Variants in PPHLN1 observed in about 807,000 individuals in gnomAD.
The protein encoded by PPHLN1 is periphilin 1.
A neutral mutation model predicts 51.3 loss-of-function variants in PPHLN1; 29 were observed. The ratio of observed to expected loss-of-function variants is 0.57; its 90% CI spans 0.42 to 0.77. The LOEUF (loss-of-function observed/expected upper bound fraction) is 0.77. Among genes scored for constraint, PPHLN1 ranks in the 30% least tolerant of loss-of-function variants. The pLI is 0.00. For missense variants in PPHLN1, 436 were observed against 438.4 expected, an observed-to-expected ratio of 0.99 and a Z score of 0.05; for synonymous variants, 147 against 147.8, an observed-to-expected ratio of 0.99 and a Z score of 0.04.
At chr12:42,444,746 C>T, downstream of PPHLN1, 3 of 350,194 alleles carry the variant, frequency 8.6e-6, no homozygotes, top group Non-Finnish European at 1.0e-5. Context: ...ATTATGCAGG[C>T]CATATAAAAC....
intron 9 of PPHLN1, chr12:42,399,470 T>G (rs2078588588): frequency 5.5e-6 from 5 of 909,820 alleles, no homozygotes; most frequent in Non-Finnish European, 5.3e-6. Context: ...TTGTTTTTAA[T>G]GTGCAACTAT....
At chr12:42,338,753 A>G (rs1342594041) in intron 2 of PPHLN1, among the ~76,000 whole-genome samples, 2 of 152,210 alleles carry the variant, frequency 1.3e-5, no homozygotes, top group South Asian at 2.1e-4. Context: ...AAAATTTCCT[A>G]GAGAGCTCTT....
At chr12:42,344,105 G>T (rs1278865504) in intron 2 of PPHLN1, among the ~76,000 whole-genome samples, 1 of 152,136 alleles carries the variant, frequency 6.6e-6, no homozygotes, top group Admixed American at 6.6e-5. Flanking sequence ...AGATAGCAGG[G>T]TATAATATAT....
chr12:42,425,038 T>TTATGTATGTATG (rs71435906), intron 9 of PPHLN1, among the ~76,000 whole-genome samples: 1,555 of 136,944 alleles, frequency 0.011, 22 homozygotes, highest in East Asian at 0.032. Context: ...TTATTTTATT[T>TTATGTATGTATG]TATGTATGTA....
In PPHLN1 at chr12:42,409,325, G is replaced by C. The variant is rs140795816; in HGVS notation, c.909+10331G>C. Among the ~76,000 whole-genome samples the C allele has an allele frequency of 9.1e-4, 138 of 152,240 alleles. 1 individual carries two copies. The East Asian group carries it at 0.016, about 17-fold the overall frequency. On this transcript the variant is annotated intron_variant, in intron 9 of 9. Transcript: ENST00000358314. ...AGAAGTCAAAGAAAAGGGCAGTGCA[G>C]ATACTGGAGAACTGAAATGTGCAGG...
At chr12:42,369,790 C>G (rs1429864103) in intron 4 of PPHLN1, among the ~76,000 whole-genome samples, 1 of 152,182 alleles carries the variant, frequency 6.6e-6, no homozygotes. Context: ...TCATTACTTT[C>G]TCCAAGCCTC....
chr12:42,399,203 A>G, intron 9 of PPHLN1: 1 of 1,208,008 alleles, frequency 8.3e-7, no homozygotes. Context: ...TAAATAAAAA[A>G]CAGACTTCTT....
chr12:42,405,429 G>C (rs2079203290), intron 9 of PPHLN1, among the ~76,000 whole-genome samples: 1 of 152,200 alleles, frequency 6.6e-6, no homozygotes, highest in Non-Finnish European at 1.5e-5. Flanking sequence ...CATTTTAAAA[G>C]CTGCACTAAG....
At chr12:42,389,066 G>A (rs2077442692) in intron 7 of PPHLN1, among the ~76,000 whole-genome samples, 1 of 152,094 alleles carries the variant, frequency 6.6e-6, no homozygotes. Flanking sequence ...GTGAAGCCGT[G>A]TCTCTACTAA....
chr12:42,421,044 T>C lies in PPHLN1; in HGVS notation c.910-20271T>C, dbSNP rs892380335. Among the ~76,000 whole-genome samples the C allele has an allele frequency of 3.9e-5, 6 of 152,124 alleles. No individual in the cohort carries two copies. The East Asian group carries it at 7.7e-4, about 20-fold the overall frequency. Reference sequence around the variant, plus strand: ...TTTTGAACAGATTTATTCACTGATATCAGTTTGCATGTGGATCAGTTGGTT... The same window carrying C: ...TTTTGAACAGATTTATTCACTGATACCAGTTTGCATGTGGATCAGTTGGTT... On this transcript the variant is annotated intron_variant, in intron 9 of 9. Transcript: ENST00000358314.
intron 7 of PPHLN1, among the ~76,000 whole-genome samples, chr12:42,388,705 C>G (rs1302651190): frequency 6.6e-6 from 1 of 152,168 alleles, no homozygotes; most frequent in African/African-American, 2.4e-5. Flanking sequence ...GGCAGGCCAC[C>G]CCTTCATGAG....
intron 9 of PPHLN1, among the ~76,000 whole-genome samples, chr12:42,421,014 C>T (rs2080957740): frequency 6.6e-6 from 1 of 151,942 alleles, no homozygotes; most frequent in African/African-American, 2.4e-5. Flanking sequence ...TTATTGACCA[C>T]CTCCTTTTGA....
chr12:42,347,672 C>T (rs367702164), intron 2 of PPHLN1, among the ~76,000 whole-genome samples: 1 of 152,040 alleles, frequency 6.6e-6, no homozygotes, highest in Non-Finnish European at 1.5e-5. Context: ...CCCAACTACT[C>T]GGGAGGCTGA....
At chr12:42,389,804 A>G (rs1371400059) in intron 7 of PPHLN1, among the ~76,000 whole-genome samples, 1 of 151,414 alleles carries the variant, frequency 6.6e-6, no homozygotes, top group Admixed American at 6.6e-5. Flanking sequence ...CCTAACATGT[A>G]TGGTGTATTT....
chr12:42,421,178 A>C (rs977035832), intron 9 of PPHLN1, among the ~76,000 whole-genome samples: 2 of 152,206 alleles, frequency 1.3e-5, no homozygotes, highest in African/African-American at 2.4e-5. Flanking sequence ...TCAGCCTTAC[A>C]CTGGGAGGCT....
At chr12:42,383,013 CAAT>C (rs1212542506) in intron 5 of PPHLN1, among the ~76,000 whole-genome samples, 2 of 152,028 alleles carry the variant, frequency 1.3e-5, no homozygotes, top group African/African-American at 4.8e-5. Context: ...AGAATTAAAA[CAAT>C]AATTACTTAC....
chr12:42,332,790 C>G (rs2069971176), intron 1 of PPHLN1: 1 of 706,678 alleles, frequency 1.4e-6, no homozygotes, highest in East Asian at 3.1e-5. Flanking sequence ...CAGTATTAAA[C>G]TACATACTAT....
chr12:42,391,369 G>C (rs527968440), intron 7 of PPHLN1, among the ~76,000 whole-genome samples: 1 of 152,194 alleles, frequency 6.6e-6, no homozygotes, highest in South Asian at 2.1e-4. Context: ...CTCCCAAGTA[G>C]CTGGGATTAC....
chr12:42,341,722 C>T (rs867923624), intron 2 of PPHLN1, among the ~76,000 whole-genome samples: 9 of 152,026 alleles, frequency 5.9e-5, no homozygotes, highest in African/African-American at 2.2e-4. Context: ...CCCGGGTTCA[C>T]GCCATTCTTC....
Sources: gnomAD v4.1 joint callset for allele counts (sites outside exome capture counted in the v4.1 genomes callset) on GRCh38, gnomAD v4.1.1 for gene constraint, MANE v1.5 for transcripts, NCBI Gene and HGNC (gene_info 2026-07-23, HGNC 2026-07-21) for gene names.